Variants in ADORA1 observed in about 807,000 individuals in gnomAD.
ADORA1 encodes the protein adenosine A1 receptor.
Under a neutral mutation model 19.9 loss-of-function variants are expected in ADORA1, and 6 were observed. The observed-to-expected ratio is 0.30, with a 90% CI of 0.17 to 0.59. The LOEUF (loss-of-function observed/expected upper bound fraction) is 0.59, where lower values mean the gene tolerates loss of function less well. Ranked by LOEUF, ADORA1 falls within the 20% of genes least tolerant of loss-of-function variation. The pLI is 0.87. For synonymous variants in ADORA1, 194 were observed against 188.4 expected (o/e 1.03, Z -0.24); for missense variants, 302 against 439.2 (o/e 0.69, Z 2.79).
chr1:203,150,655 A>G, intron 3 of ADORA1: 2 of 1,289,702 alleles, frequency 1.6e-6, no homozygotes, highest in Non-Finnish European at 1.0e-6. Flanking sequence ...TGTCTTCTTG[A>G]GTTCTGATGC....
intron 3 of ADORA1, among the ~76,000 whole-genome samples, chr1:203,157,213 T>C (rs983951700): frequency 6.6e-6 from 1 of 152,220 alleles, no homozygotes; most frequent in Non-Finnish European, 1.5e-5. Context: ...CAAATTTCCT[T>C]CTGGTTGTGA....
chr1:203,151,932 G>A (rs1426986595), intron 3 of ADORA1, among the ~76,000 whole-genome samples: 2 of 152,136 alleles, frequency 1.3e-5, no homozygotes, highest in Admixed American at 1.3e-4. Flanking sequence ...ACTCCCTTCC[G>A]GGGATGTATG....
At chr1:203,149,545 G>A (rs1205114895) in intron 3 of ADORA1, among the ~76,000 whole-genome samples, 1 of 152,182 alleles carries the variant, frequency 6.6e-6, no homozygotes, top group Admixed American at 6.5e-5. Context: ...TGAGGAGAGG[G>A]GCTGGTCTTG....
chr1:203,157,425 C>T (rs1293071085), intron 3 of ADORA1, among the ~76,000 whole-genome samples: 3 of 152,256 alleles, frequency 2.0e-5, no homozygotes, highest in Non-Finnish European at 2.9e-5. Context: ...ACCTCCTGGA[C>T]ATATTGGCTC....
chr1:203,154,349 T>A (rs6677396), intron 3 of ADORA1, among the ~76,000 whole-genome samples: 2 of 152,146 alleles, frequency 1.3e-5, no homozygotes, highest in Admixed American at 6.5e-5. Flanking sequence ...ACTCTTGAAC[T>A]GTCTGAGTCT....
At chr1:203,148,880 T>A (rs1459415776) in intron 3 of ADORA1, among the ~76,000 whole-genome samples, 1 of 151,990 alleles carries the variant, frequency 6.6e-6, no homozygotes, top group Non-Finnish European at 1.5e-5. Context: ...ACTGTCTCTC[T>A]GCATTTTTTT....
At chr1:203,141,303 G>A (rs886130338) in intron 3 of ADORA1, among the ~76,000 whole-genome samples, 2 of 152,226 alleles carry the variant, frequency 1.3e-5, no homozygotes, top group Non-Finnish European at 2.9e-5. Context: ...TGGCAGGGTT[G>A]GTGTGGGCGG....
rs766701231 is a variant in ADORA1 at position 203,128,850 on chromosome 1, C to A, written c.9C>A (p.Pro3=). MP[P]SISAFQAAYI... ...CCCAGCCTGTGCCCGCCATGCCGCC[C>A]TCCATCTCAGCTTTCCAGGCCGCCT... The change falls in exon 3 of 4, where the codon CCC becomes CCA. Residue 3 remains proline, a synonymous_variant. Transcript: ENST00000337894. The surrounding 1 kb of genome is among the most constrained non-coding windows in gnomAD (Gnocchi z 5.9). 5 of 1,597,964 alleles carry A rather than the reference C, an allele frequency of 3.1e-6. No individual in the cohort carries two copies. In the African/African-American group the frequency reaches 5.3e-5, roughly 17 times the overall value.
intron 3 of ADORA1, among the ~76,000 whole-genome samples, chr1:203,157,767 G>C (rs1457341592): frequency 1.3e-5 from 2 of 152,236 alleles, no homozygotes; most frequent in African/African-American, 2.4e-5. Context: ...GTGCTCTCTG[G>C]AGCAGCAGCA....
At chr1:203,147,993 C>T (rs879898432) in intron 3 of ADORA1, among the ~76,000 whole-genome samples, 36 of 152,122 alleles carry the variant, frequency 2.4e-4, no homozygotes, top group Admixed American at 3.3e-4. Flanking sequence ...CCGAGGGAGG[C>T]GGATCATTTG....
intron 3 of ADORA1, among the ~76,000 whole-genome samples, chr1:203,140,458 A>G (rs964324182): frequency 6.6e-5 from 10 of 152,148 alleles, no homozygotes; most frequent in Admixed American, 5.9e-4. Context: ...GTGGGGAGGA[A>G]GAAGAAATTG....
chr1:203,154,741 G>T (rs915039234), intron 3 of ADORA1, among the ~76,000 whole-genome samples: 1 of 152,180 alleles, frequency 6.6e-6, no homozygotes, highest in Non-Finnish European at 1.5e-5. Flanking sequence ...AATGCAGCCT[G>T]CCGGGGTCAG....
chr1:203,152,868 C>T (rs1655082015), intron 3 of ADORA1: 1 of 152,168 alleles, frequency 6.6e-6, no homozygotes, highest in South Asian at 2.1e-4. Context: ...AGGGCATTGT[C>T]TCAAAGTGTG....
intron 3 of ADORA1, among the ~76,000 whole-genome samples, chr1:203,135,436 A>G (rs1321053725): frequency 1.3e-5 from 2 of 152,196 alleles, no homozygotes; most frequent in Non-Finnish European, 2.9e-5. Context: ...AGGCAGGCAG[A>G]TCATTTGAGG....
rs114355722 is a variant in ADORA1 at position 203,155,408 on chromosome 1, A to G, written c.342-9853A>G. 7.0e-3 allele frequency among the ~76,000 whole-genome samples: 1,065 copies of G among 152,264 alleles called. 9 individuals carry two copies. The highest frequency in any genetic ancestry group is 0.024 in the African/African-American group (1,012 of 41,554). On this transcript the variant is annotated intron_variant, in intron 3 of 3. Transcript: ENST00000337894. ...GAGTCAACCTAACTATCAGTCCCCA[A>G]TGGCATCCAGAAGGAGTGCCCTCTA...
Position 203,128,490 on chromosome 1 carries a change from C to A in ADORA1, c.-58+58C>A. ...GGTGGGCAGAGCCAGTCATGGGAGA[C>A]CCCTCTGTGCGTGTGTCTGTGTGTG... On this transcript the variant is annotated intron_variant, in intron 2 of 3. Transcript: ENST00000337894. This position sits in a 1 kb window ranked among gnomAD's most constrained non-coding sequence, Gnocchi z 5.9. 8.2e-7 allele frequency: 1 copy of A among 1,217,914 alleles called. No homozygotes were observed. Among genetic ancestry groups the A allele is most frequent in the Non-Finnish European group, 1.1e-6 (1 of 925,280 alleles). 75.4% of individuals were successfully genotyped at this position (1,217,914 alleles called of 1,614,324 possible). A position where few individuals can be genotyped will look rare whatever the true frequency, so the allele number is the denominator to read the frequency against.
In ADORA1 at chr1:203,165,446, GCATGGAGTA is replaced by G. The variant is rs775089272; in HGVS notation, c.533_541del (p.Glu178_Met180del). Reference sequence around the variant, plus strand: ...AAGTGCGAGTTCGAGAAGGTCATCAGCATGGAGTACATGGTCTACTTCAACTTCTTTGTG... The same window carrying G: ...AAGTGCGAGTTCGAGAAGGTCATCAGCATGGTCTACTTCAACTTCTTTGTG... On this transcript the variant is annotated inframe_deletion, in exon 4 of 4. Transcript: ENST00000337894. The surrounding 1 kb of genome is among the most constrained non-coding windows in gnomAD (Gnocchi z 5.9). 2 of 1,613,790 alleles carry G rather than the reference GCATGGAGTA, an allele frequency of 1.2e-6. No individual in the cohort carries two copies. Among genetic ancestry groups the G allele is most frequent in the Non-Finnish European group, 1.7e-6 (2 of 1,179,886 alleles).
intron 3 of ADORA1, among the ~76,000 whole-genome samples, chr1:203,156,828 TCA>T (rs753371972): frequency 6.6e-6 from 1 of 152,198 alleles, no homozygotes; most frequent in Non-Finnish European, 1.5e-5. Flanking sequence ...GTGGAAGGCA[TCA>T]CACAGACAGG....
At chr1:203,139,380 T>C (rs10920573) in intron 3 of ADORA1, among the ~76,000 whole-genome samples, 76,668 of 151,950 alleles carry the variant, frequency 0.5, 21,087 homozygotes, top group Non-Finnish European at 0.63. Flanking sequence ...TCGTAGTGAA[T>C]TGGGAAGCAA....
Sources: allele counts gnomAD v4.1 joint callset (sites outside exome capture counted in the v4.1 genomes callset), GRCh38; gene constraint gnomAD v4.1.1; non-coding constraint Gnocchi (gnomAD v3.1); transcripts MANE v1.5; gene names NCBI Gene and HGNC (gene_info 2026-07-23, HGNC 2026-07-21).